Variants in ZNF704 observed in about 807,000 individuals in gnomAD.
ZNF704 encodes glucocorticoid induced gene 1.
In ZNF704, 10 loss-of-function variants were observed where a neutral mutation model predicts 44.7. The ratio of observed to expected loss-of-function variants is 0.22; its 90% CI spans 0.14 to 0.38. ZNF704 has a LOEUF of 0.38. Among genes scored for constraint, ZNF704 ranks in the 10% least tolerant of loss-of-function variants. The pLI is 1.00. For missense variants in ZNF704, 390 were observed against 545.5 expected, an observed-to-expected ratio of 0.71 and a Z score of 2.84; for synonymous variants, 211 against 207.6, an observed-to-expected ratio of 1.02 and a Z score of -0.14.
rs59966471 is a variant in ZNF704, at chr8:80,684,762, T to C, written c.558+2464A>G. On this transcript the variant is annotated intron_variant, in intron 4 of 8. Transcript: ENST00000327835. ...CATCAATTTCCAGCCACCCAACTTTTGACACCTTGAAGGAAAAAACTATGC... is the reference window on the plus strand; with the variant it reads ...CATCAATTTCCAGCCACCCAACTTTCGACACCTTGAAGGAAAAAACTATGC... Among the ~76,000 whole-genome samples the C allele has an allele frequency of 5.7e-4, 87 of 152,316 alleles. 1 individual carries two copies. Among genetic ancestry groups the C allele is most frequent in the African/African-American group, 2.1e-3 (87 of 41,572 alleles).
intron 1 of ZNF704, chr8:80,873,725 C>A (rs1211502218): frequency 1.3e-5 from 2 of 153,352 alleles, no homozygotes; most frequent in Non-Finnish European, 2.9e-5. Context: ...CTCCTCCACA[C>A]GCCCGAGCCC....
At chr8:80,669,896 T>C (rs1405384782) in intron 5 of ZNF704, among the ~76,000 whole-genome samples, 1 of 152,176 alleles carries the variant, frequency 6.6e-6, no homozygotes, top group Non-Finnish European at 1.5e-5. Flanking sequence ...AAGGCTGTTA[T>C]ATAATGAGGA....
At chr8:80,782,550 CATGAT>C (rs948000580) in intron 2 of ZNF704, among the ~76,000 whole-genome samples, 2 of 152,136 alleles carry the variant, frequency 1.3e-5, no homozygotes, top group African/African-American at 4.8e-5. Context: ...GAAATAATCA[CATGAT>C]ATGTAGAGTC....
chr8:80,765,372 C>T (rs1807211404), intron 2 of ZNF704, among the ~76,000 whole-genome samples: 1 of 152,132 alleles, frequency 6.6e-6, no homozygotes, highest in African/African-American at 2.4e-5. Flanking sequence ...CACATACACA[C>T]CCCAAATCAT....
In ZNF704 at chr8:80,651,644, C is replaced by A. The variant is rs190974494; in HGVS notation, c.1032+7941G>T. On this transcript the variant is annotated intron_variant, in intron 7 of 8. Coordinates refer to ENST00000327835, the MANE Select transcript of ZNF704 (RefSeq NM_001033723.3). ...ATCCTAAATATATATGCACCCAATA[C>A]AGGAGCAGCCAGATTCATAAAGCAA... 1.6e-3 allele frequency among the ~76,000 whole-genome samples: 244 copies of A among 152,314 alleles called. 2 individuals are homozygous for A. In the East Asian group the frequency reaches 0.016, roughly 10 times the overall value.
chr8:80,814,474 C>A (rs1393484310), intron 2 of ZNF704, among the ~76,000 whole-genome samples: 1 of 152,040 alleles, frequency 6.6e-6, no homozygotes, highest in Non-Finnish European at 1.5e-5. Context: ...TAGCAAGAAA[C>A]CAGAGACAAC....
chr8:80,834,476 GTGT>G (rs1293951893), intron 1 of ZNF704, among the ~76,000 whole-genome samples: 2 of 152,036 alleles, frequency 1.3e-5, no homozygotes, highest in Non-Finnish European at 2.9e-5. Context: ...TCAGGAATCA[GTGT>G]TGTTAATGCT....
At chr8:80,761,893 A>G (rs1253159760) in intron 2 of ZNF704, among the ~76,000 whole-genome samples, 2 of 152,230 alleles carry the variant, frequency 1.3e-5, no homozygotes, top group African/African-American at 2.4e-5. Flanking sequence ...AGATAACCTA[A>G]GTCTTTTGAT....
chr8:80,833,616 C>T (rs796746311), intron 1 of ZNF704, among the ~76,000 whole-genome samples: 6 of 152,298 alleles, frequency 3.9e-5, no homozygotes, highest in African/African-American at 1.4e-4. Context: ...CCTTAGCCCT[C>T]TGAAACCAAT....
At chr8:80,854,820 A>G (rs1289291227) in intron 1 of ZNF704, among the ~76,000 whole-genome samples, 1 of 152,158 alleles carries the variant, frequency 6.6e-6, no homozygotes, top group Non-Finnish European at 1.5e-5. Flanking sequence ...TGCAGTTGTC[A>G]TTTCATATTG....
chr8:80,641,417 CAT>C lies in ZNF704; in HGVS notation c.1186_1187del (p.Met396ValfsTer48), dbSNP rs780437846. 3 of 1,613,752 alleles carry C rather than the reference CAT, an allele frequency of 1.9e-6. No individual in the cohort carries two copies. Among genetic ancestry groups the C allele is most frequent in the African/African-American group, 1.3e-5 (1 of 74,876 alleles). On this transcript the variant is annotated frameshift_variant, in exon 9 of 9. Coordinates refer to ENST00000327835, the MANE Select transcript of ZNF704 (RefSeq NM_001033723.3). LOFTEE classifies it high-confidence loss of function. The stretch of plus-strand genomic sequence containing the variant: ...TCTTCCAGCGGCAGGCGGTACACCA[CAT>C]GTCTCGGTTCTCCATCCCGTACACC... ...RKVYGMENRD[M>X]WCTACRWKKA...
chr8:80,811,166 CTG>C (rs1210012474), intron 2 of ZNF704, among the ~76,000 whole-genome samples: 1 of 152,038 alleles, frequency 6.6e-6, no homozygotes, highest in Non-Finnish European at 1.5e-5. Context: ...CTTGTCCAAA[CTG>C]AGATGTGCTA....
At chr8:80,697,291 T>G (rs1818741880) in intron 2 of ZNF704, among the ~76,000 whole-genome samples, 1 of 151,634 alleles carries the variant, frequency 6.6e-6, no homozygotes, top group Non-Finnish European at 1.5e-5. Flanking sequence ...AACCCGGGAG[T>G]AAGGTGATCA....
At chr8:80,837,417 G>C (rs995314561) in intron 1 of ZNF704, among the ~76,000 whole-genome samples, 2 of 152,104 alleles carry the variant, frequency 1.3e-5, no homozygotes, top group Admixed American at 6.5e-5. Context: ...ATACCACGAG[G>C]TTAATACAGG....
At chr8:80,757,380 C>T (rs181755236) in intron 2 of ZNF704, among the ~76,000 whole-genome samples, 2 of 150,496 alleles carry the variant, frequency 1.3e-5, no homozygotes, top group Admixed American at 6.6e-5. Flanking sequence ...AGAATAAGGA[C>T]GTAAAGAAAA....
intron 2 of ZNF704, among the ~76,000 whole-genome samples, chr8:80,768,615 A>G (rs1164517219): frequency 6.6e-6 from 1 of 152,174 alleles, no homozygotes; most frequent in Non-Finnish European, 1.5e-5. Flanking sequence ...TTTTCTTTGT[A>G]ATTTTAATAA....
intron 6 of ZNF704, 98 bp from the exon 7 acceptor site, chr8:80,659,787 G>C: frequency 9.7e-7 from 1 of 1,029,506 alleles, no homozygotes. Flanking sequence ...AATGGTCTCA[G>C]CTATATTAAT....
At position 80,676,447 on chromosome 8, in the gene ZNF704, G is replaced by A. The variant is rs539107628; in HGVS notation, c.559-5844C>T. 4.6e-5 allele frequency among the ~76,000 whole-genome samples: 7 copies of A among 152,328 alleles called. No homozygotes were observed. In the South Asian group the frequency reaches 1.5e-3, roughly 32 times the overall value. ...CACAGGGAGAGGGGCTGCCTTGGAT[G>A]AGACAGGACAGTTCTCTGCTGGAAA... On this transcript the variant is annotated intron_variant, in intron 4 of 8. Coordinates refer to ENST00000327835, the MANE Select transcript of ZNF704 (RefSeq NM_001033723.3).
intron 2 of ZNF704, among the ~76,000 whole-genome samples, chr8:80,706,534 C>A (rs1818901748): frequency 6.6e-6 from 1 of 152,250 alleles, no homozygotes; most frequent in Non-Finnish European, 1.5e-5. Flanking sequence ...TCATTCCTAA[C>A]AGAGCCACCC....
Sources: allele counts gnomAD v4.1 joint callset (sites outside exome capture counted in the v4.1 genomes callset), GRCh38; gene constraint gnomAD v4.1.1; transcripts MANE v1.5; gene names NCBI Gene and HGNC (gene_info 2026-07-23, HGNC 2026-07-21).